Variants in HOOK3 observed in about 807,000 individuals in gnomAD.
The protein encoded by HOOK3 is protein Hook homolog 3.
HOOK3 carries 24 observed loss-of-function variants against 116.3 expected under a neutral mutation model. The observed-to-expected ratio is 0.21, with a 90% CI of 0.15 to 0.29. The LOEUF (loss-of-function observed/expected upper bound fraction) is 0.29. HOOK3 is among the 10% of genes least tolerant of loss of function. The pLI is 1.00. For synonymous variants in HOOK3, 275 were observed against 283.0 expected, an observed-to-expected ratio of 0.97 and a Z score of 0.28; for missense variants, 632 against 830.2, an observed-to-expected ratio of 0.76 and a Z score of 2.93.
At chr8:42,908,795 CA>C (rs987207120) in intron 2 of HOOK3, among the ~76,000 whole-genome samples, 14 of 151,954 alleles carry the variant, frequency 9.2e-5, no homozygotes, top group Admixed American at 2.0e-4. Flanking sequence ...GCAACAAAAG[CA>C]AAAACAGACA....
At chr8:42,938,940 A>G (rs1476319062) in intron 4 of HOOK3, among the ~76,000 whole-genome samples, 3 of 152,114 alleles carry the variant, frequency 2.0e-5, no homozygotes, top group Non-Finnish European at 2.9e-5. Context: ...GCTGCCTTCA[A>G]GCATCTGTTT....
chr8:43,006,307 A>C (rs1283343255), intron 17 of HOOK3, among the ~76,000 whole-genome samples: 1 of 146,496 alleles, frequency 6.8e-6, no homozygotes, highest in African/African-American at 2.5e-5. Flanking sequence ...GGTGTTAGCC[A>C]CTGCGCCCAG....
chr8:42,922,894 A>AG (rs1371429283), intron 2 of HOOK3, among the ~76,000 whole-genome samples: 1 of 151,698 alleles, frequency 6.6e-6, no homozygotes, highest in Non-Finnish European at 1.5e-5. Context: ...AAAAAAAAAA[A>AG]GAAGGAAAGA....
At chr8:42,992,399 CAAAAAAAAA>C (rs36048747) in intron 15 of HOOK3, among the ~76,000 whole-genome samples, 1 of 38,936 alleles carries the variant, frequency 2.6e-5, no homozygotes, top group Admixed American at 2.9e-4. Context: ...GACTCTGTCT[CAAAAAAAAA>C]AAAAAAAAAA....
chr8:43,004,705 A>G (rs1274096823), intron 17 of HOOK3, among the ~76,000 whole-genome samples: 3 of 149,660 alleles, frequency 2.0e-5, no homozygotes, highest in Non-Finnish European at 1.5e-5. Context: ...AAAAAAAACT[A>G]CAATGGAGAC....
chr8:42,929,409 C>T (rs1807831188), intron 3 of HOOK3, among the ~76,000 whole-genome samples: 1 of 152,152 alleles, frequency 6.6e-6, no homozygotes, highest in Non-Finnish European at 1.5e-5. Context: ...TAGGATGTCT[C>T]AACTACAGAC....
At chr8:43,004,756 A>C (rs1162623555) in intron 17 of HOOK3, among the ~76,000 whole-genome samples, 1 of 151,976 alleles carries the variant, frequency 6.6e-6, no homozygotes, top group Non-Finnish European at 1.5e-5. Flanking sequence ...AAAATCCAAC[A>C]TACTGAGTAT....
chr8:42,959,388 T>C (rs1448894955), intron 8 of HOOK3, 74 bp downstream of exon 8: 4 of 991,266 alleles, frequency 4.0e-6, no homozygotes, highest in Non-Finnish European at 3.2e-6. Flanking sequence ...CTGTGTACTG[T>C]CATACAGTAC....
chr8:42,948,164 A>G (rs533802219), intron 5 of HOOK3, among the ~76,000 whole-genome samples: 2 of 152,204 alleles, frequency 1.3e-5, no homozygotes, highest in African/African-American at 2.4e-5. Flanking sequence ...TGACTTGCCC[A>G]ATACTTCCTA....
At chr8:42,975,864 C>A (rs1285900629) in intron 13 of HOOK3, among the ~76,000 whole-genome samples, 1 of 152,086 alleles carries the variant, frequency 6.6e-6, no homozygotes, top group Admixed American at 6.5e-5. Context: ...TGCCACCACG[C>A]CCGGCTAATT....
At chr8:42,985,740 CAA>C (rs879842015) in intron 14 of HOOK3, among the ~76,000 whole-genome samples, 5 of 106,724 alleles carry the variant, frequency 4.7e-5, no homozygotes, top group Admixed American at 9.8e-5. Flanking sequence ...GACCCCGTCT[CAA>C]AAAAAAAAAA....
At chr8:42,955,872 T>C (rs1036051350) in intron 6 of HOOK3, among the ~76,000 whole-genome samples, 2 of 152,166 alleles carry the variant, frequency 1.3e-5, no homozygotes, top group African/African-American at 4.8e-5. Context: ...TTTGCCTCTT[T>C]TTCTTTTAAG....
intron 19 of HOOK3, among the ~76,000 whole-genome samples, chr8:43,011,946 C>G (rs1809620359): frequency 6.6e-6 from 1 of 152,114 alleles, no homozygotes; most frequent in Non-Finnish European, 1.5e-5. Flanking sequence ...CAGTAGTCCT[C>G]TAGTTGGCCA....
chr8:42,955,914 A>C (rs1255637059), intron 6 of HOOK3, among the ~76,000 whole-genome samples: 1 of 152,046 alleles, frequency 6.6e-6, no homozygotes, highest in Non-Finnish European at 1.5e-5. Flanking sequence ...CCCAGGCTAG[A>C]GTGCAGTGGC....
intron 21 of HOOK3, 135 bp downstream of exon 21, chr8:43,013,535 T>C: frequency 3.0e-6 from 2 of 656,360 alleles, no homozygotes; most frequent in South Asian, 4.1e-5. Flanking sequence ...ACTAACAGAA[T>C]CTTAATGTTA....
chr8:42,970,538 A>G (rs1808707269), intron 11 of HOOK3, among the ~76,000 whole-genome samples: 1 of 152,128 alleles, frequency 6.6e-6, no homozygotes, highest in Non-Finnish European at 1.5e-5. Flanking sequence ...TAAGTTTATT[A>G]ATGTTCTTCT....
At chr8:42,972,056 AT>A (rs1808737305) in intron 11 of HOOK3, among the ~76,000 whole-genome samples, 1 of 152,114 alleles carries the variant, frequency 6.6e-6, no homozygotes. Context: ...GATAATTCCA[AT>A]CTGAAATCCT....
In HOOK3 at chr8:43,027,644, G is replaced by C. The variant is rs528627871; in HGVS notation, c.*9146G>C. On this transcript the variant is annotated 3_prime_UTR_variant, in exon 22 of 22. Coordinates refer to ENST00000307602, the MANE Select transcript of HOOK3 (RefSeq NM_032410.4). ...ACATAAGGACGAAATACAATGTTCTGAATATCTTCCACTAATTAATTGTTG... is the reference window on the plus strand; with the variant it reads ...ACATAAGGACGAAATACAATGTTCTCAATATCTTCCACTAATTAATTGTTG... 1 of 212,724 alleles carries C rather than the reference G, an allele frequency of 4.7e-6. No individual in the cohort carries two copies. Among genetic ancestry groups the C allele is most frequent in the African/African-American group, 2.3e-5 (1 of 44,026 alleles). The allele number at this position is 212,724 out of a possible 1,614,324, so 13.2% of individuals were successfully genotyped here.
intron 19 of HOOK3, among the ~76,000 whole-genome samples, chr8:43,012,243 CTG>C (rs756629945): frequency 1.3e-5 from 2 of 152,322 alleles, no homozygotes; most frequent in African/African-American, 2.4e-5. Context: ...TTATGCAAAA[CTG>C]TATGCTATAG....
Sources: gnomAD v4.1 joint callset for allele counts (sites outside exome capture counted in the v4.1 genomes callset) on GRCh38, gnomAD v4.1.1 for gene constraint, MANE v1.5 for transcripts, NCBI Gene and HGNC (gene_info 2026-07-23, HGNC 2026-07-21) for gene names.